MEI4: variants seen among roughly 807,000 people sequenced by gnomAD.
MEI4 encodes the protein meiosis-specific protein MEI4.
Under a neutral mutation model 31.4 loss-of-function variants are expected in MEI4, and 27 were observed. The ratio of observed to expected loss-of-function variants is 0.86; its 90% CI spans 0.63 to 1.19. The LOEUF is 1.19. Among genes scored for constraint, MEI4 ranks in the 50% most tolerant of loss-of-function variants. MEI4 has a pLI of 0.00. For synonymous variants in MEI4, 122 were observed against 145.4 expected (o/e 0.84, Z 1.16); for missense variants, 329 against 398.9 (o/e 0.82, Z 1.49).
intron 4 of MEI4, among the ~76,000 whole-genome samples, chr6:77,866,132 G>A (rs1250991532): frequency 6.6e-6 from 1 of 151,884 alleles, no homozygotes; most frequent in Non-Finnish European, 1.5e-5. Context: ...CATACTGAAT[G>A]GGCAAAAACT....
intron 2 of MEI4, among the ~76,000 whole-genome samples, chr6:77,726,997 C>T (rs188684048): frequency 6.4e-4 from 97 of 152,246 alleles, no homozygotes; most frequent in Non-Finnish European, 1.1e-3. Context: ...TAAAGATACT[C>T]TTGGGAGGGA....
At chr6:77,743,960 C>T (rs1039567717) in intron 2 of MEI4, among the ~76,000 whole-genome samples, 1 of 152,134 alleles carries the variant, frequency 6.6e-6, no homozygotes, top group Non-Finnish European at 1.5e-5. Flanking sequence ...ACACCAAAAA[C>T]CCATCTGTAC....
At chr6:77,680,128 A>AAAAAAAAAAAAAAAAAAAAAAT (rs1247876878) in intron 1 of MEI4, among the ~76,000 whole-genome samples, 17 of 115,560 alleles carry the variant, frequency 1.5e-4, no homozygotes, top group Middle Eastern at 4.6e-3. Context: ...AAAAAAAAAA[A>AAAAAAAAAAAAAAAAAAAAAAT]ATTAGCTGGG....
At chr6:77,746,974 A>G (rs1159876331) in intron 2 of MEI4, among the ~76,000 whole-genome samples, 1 of 152,056 alleles carries the variant, frequency 6.6e-6, no homozygotes, top group Non-Finnish European at 1.5e-5. Flanking sequence ...CCCTTTTGAC[A>G]TTTGGTTCTA....
chr6:77,787,099 G>C (rs1481299750), intron 3 of MEI4, among the ~76,000 whole-genome samples: 1 of 152,100 alleles, frequency 6.6e-6, no homozygotes, highest in Non-Finnish European at 1.5e-5. Flanking sequence ...GGGACTTGGA[G>C]GTAGACACAT....
chr6:77,671,235 A>G (rs1768735054), intron 1 of MEI4, among the ~76,000 whole-genome samples: 1 of 151,278 alleles, frequency 6.6e-6, no homozygotes, highest in Non-Finnish European at 1.5e-5. Context: ...TTTTGTATTT[A>G]CTTTAGTAGA....
chr6:77,886,712 C>T (rs1222684143), intron 4 of MEI4, among the ~76,000 whole-genome samples: 1 of 152,158 alleles, frequency 6.6e-6, no homozygotes, highest in African/African-American at 2.4e-5. Context: ...GGATTACAGA[C>T]ATGAGCCACT....
rs571894898 is a variant in MEI4 at position 77,727,105 on chromosome 6, C to T, written c.233-34025C>T. On this transcript the variant is annotated intron_variant, in intron 2 of 4. Coordinates refer to ENST00000684080, the MANE Select transcript of MEI4 (RefSeq NM_001322247.2). ...TCTTGGGGTGATACCTCCACAAAAA[C>T]GGGAGAGGGTCTCTCAGATGTGAGT... 1.2e-4 allele frequency among the ~76,000 whole-genome samples: 19 copies of T among 152,210 alleles called. No individual in the cohort carries two copies. In the South Asian group the frequency reaches 1.7e-3, roughly 13 times the overall value.
intron 2 of MEI4, among the ~76,000 whole-genome samples, chr6:77,738,703 C>T (rs1767317916): frequency 6.6e-6 from 1 of 152,140 alleles, no homozygotes; most frequent in Non-Finnish European, 1.5e-5. Flanking sequence ...ATTTACACTT[C>T]CACCAACACT....
chr6:77,836,040 A>G (rs1294427704), intron 4 of MEI4, among the ~76,000 whole-genome samples: 1 of 152,142 alleles, frequency 6.6e-6, no homozygotes, highest in African/African-American at 2.4e-5. Flanking sequence ...ACTTTTAAAA[A>G]TTTATTTAAA....
At chr6:77,774,054 C>T (rs561670366) in intron 3 of MEI4, among the ~76,000 whole-genome samples, 2 of 152,188 alleles carry the variant, frequency 1.3e-5, no homozygotes, top group East Asian at 1.9e-4. Context: ...GACCCTTGTA[C>T]ACTGTTGGTG....
At chr6:77,708,798 C>A (rs1463244652) in intron 2 of MEI4, among the ~76,000 whole-genome samples, 1 of 152,148 alleles carries the variant, frequency 6.6e-6, no homozygotes, top group East Asian at 1.9e-4. Context: ...TGGCACATGA[C>A]ACTCTGACTC....
intron 3 of MEI4, among the ~76,000 whole-genome samples, chr6:77,794,029 A>T (rs1160384414): frequency 6.6e-6 from 1 of 152,146 alleles, no homozygotes; most frequent in South Asian, 2.1e-4. Context: ...AAATAAGAAG[A>T]TTCTACCACA....
chr6:77,745,736 CA>C (rs1767580534), intron 2 of MEI4, among the ~76,000 whole-genome samples: 1 of 152,120 alleles, frequency 6.6e-6, no homozygotes, highest in African/African-American at 2.4e-5. Context: ...CACTCCTCAG[CA>C]AATGTAAAAG....
chr6:77,860,035 A>G (rs529383730), intron 4 of MEI4, among the ~76,000 whole-genome samples: 1 of 152,272 alleles, frequency 6.6e-6, no homozygotes, highest in African/African-American at 2.4e-5. Context: ...GAATAACCAA[A>G]TCTTACAGCT....
intron 3 of MEI4, among the ~76,000 whole-genome samples, chr6:77,763,540 C>G (rs1296760518): frequency 6.6e-6 from 1 of 152,122 alleles, no homozygotes. Context: ...TACTGTTGAC[C>G]AACTGTTCAG....
intron 1 of MEI4, among the ~76,000 whole-genome samples, chr6:77,675,469 A>C (rs956694342): frequency 3.3e-5 from 5 of 152,102 alleles, no homozygotes; most frequent in Non-Finnish European, 2.9e-5. Flanking sequence ...TGAGTGAATA[A>C]AATTTAATTT....
rs761014640 is a variant in MEI4 at position 77,925,341 on chromosome 6, T to TAAAC, written c.*1997_*2000dup. 2.1e-4 allele frequency: 32 copies of TAAAC among 152,020 alleles called. No homozygotes were observed. The highest frequency in any genetic ancestry group is 4.3e-4 in the Non-Finnish European group (29 of 67,916). The allele number at this position is 152,020 out of a possible 1,614,324, so 9.4% of individuals were successfully genotyped here. A position where few individuals can be genotyped will look rare whatever the true frequency, so the allele number is the denominator to read the frequency against. On this transcript the variant is annotated 3_prime_UTR_variant, in exon 5 of 5. Transcript: ENST00000684080. ...ATTTCCATTTGGTATCCATTTTATA[T>TAAAC]AAACATTTAACTTCCACCAAGTATA...
At chr6:77,678,684 T>C (rs773188027) in intron 1 of MEI4, among the ~76,000 whole-genome samples, 1 of 151,976 alleles carries the variant, frequency 6.6e-6, no homozygotes, top group Non-Finnish European at 1.5e-5. Context: ...TTACTATATG[T>C]TTTATCATTA....
Sources: gnomAD v4.1 joint callset for allele counts (sites outside exome capture counted in the v4.1 genomes callset) on GRCh38, gnomAD v4.1.1 for gene constraint, MANE v1.5 for transcripts, NCBI Gene and HGNC (gene_info 2026-07-23, HGNC 2026-07-21) for gene names.